The following ABCC10 variants were observed in gnomAD, a reference collection of about 807,000 sequenced individuals.
The protein encoded by ABCC10 is ATP binding cassette subfamily C member 10.
Under a neutral mutation model 143.2 loss-of-function variants are expected in ABCC10, and 110 were observed. That is an observed-to-expected ratio of 0.77 (90% CI 0.66 to 0.90). The LOEUF is 0.90. Ranked by LOEUF, ABCC10 falls within the 40% of genes least tolerant of loss-of-function variation. The pLI, the probability that ABCC10 is intolerant of heterozygous loss-of-function variation, is 0.00. For synonymous variants in ABCC10, 805 were observed against 846.7 expected (o/e 0.95, Z 0.85); for missense variants, 1,700 against 1,900.5 (o/e 0.89, Z 1.96).
At position 43,447,384 on chromosome 6, in the gene ABCC10, G is replaced by A. The variant is rs754324128; in HGVS notation, c.3681G>A (p.Gln1227=). 1.9e-6 allele frequency: 3 copies of A among 1,613,048 alleles called. No homozygotes were observed. Among genetic ancestry groups the A allele is most frequent in the Non-Finnish European group, 2.5e-6 (3 of 1,179,914 alleles). ...RLEEYTCDLP[Q]EPQGQPLQLG... ...AAGAGTACACCTGTGACCTGCCCCA[G>A]GAACCCCAGGGCCAGCCACTGCAGG... is the stretch of plus-strand genomic sequence containing the variant. Residue 1227 remains glutamine, a synonymous_variant, in exon 17 of 22, where the codon CAG becomes CAA. Transcript: ENST00000372530.
At position 43,436,152 on chromosome 6, in the gene ABCC10, C is replaced by T. The variant is rs993679852; in HGVS notation, c.1780C>T (p.Pro594Ser). Reference sequence around the variant, plus strand: ...TCTCTGTTCAGATCCCCCTGCAGAGCCATCTACAGTATTGGAGCTGCATGG... The same window carrying T: ...TCTCTGTTCAGATCCCCCTGCAGAGTCATCTACAGTATTGGAGCTGCATGG... ...AYYSPDPPAEPSTVLELHGAL... is the reference protein window; with the variant it reads ...AYYSPDPPAESSTVLELHGAL... The change falls in exon 6 of 22, where the codon CCA becomes TCA. Residue 594 changes from proline to serine, a missense_variant. Transcript: ENST00000372530. 18 of 1,614,032 alleles carry T rather than the reference C, an allele frequency of 1.1e-5. No individual in the cohort carries two copies. Among genetic ancestry groups the T allele is most frequent in the Admixed American group, 1.7e-5 (1 of 60,002 alleles).
chr6:43,451,320 C>T (rs761823773), downstream of ABCC10: 11 of 1,585,724 alleles, frequency 6.9e-6, no homozygotes, highest in Admixed American at 1.7e-4. The surrounding 1 kb of genome is among the most constrained non-coding windows in gnomAD (Gnocchi z 4.4). Context: ...TTACCAACAC[C>T]TGTAGGGCAG....
At chr6:43,435,036 A>G in intron 4 of ABCC10, 188 bp downstream of exon 4, 1 of 609,990 alleles carries the variant, frequency 1.6e-6, no homozygotes, top group South Asian at 2.1e-5. Flanking sequence ...TCTGTGAAGG[A>G]GTTCCTTTCT....
intron 2 of ABCC10, among the ~76,000 whole-genome samples, chr6:43,428,753 C>T (rs1417401386): frequency 6.6e-6 from 1 of 152,096 alleles, no homozygotes; most frequent in East Asian, 1.9e-4. Flanking sequence ...TTCTGGCTGC[C>T]GAGAAGATAG....
At chr6:43,439,547 A>G (rs112501115) in intron 8 of ABCC10, among the ~76,000 whole-genome samples, 58 of 151,596 alleles carry the variant, frequency 3.8e-4, no homozygotes, top group African/African-American at 1.3e-3. Flanking sequence ...GGACTACAGG[A>G]GTGAGCCACC....
intron 18 of ABCC10, 29 bp from the exon 19 acceptor site, chr6:43,448,852 C>A: frequency 1.3e-6 from 2 of 1,589,658 alleles, no homozygotes; most frequent in Middle Eastern, 1.7e-4. Context: ...ACATCTCCAA[C>A]CACTAGACTC....
chr6:43,434,058 G>C (rs945339191), intron 3 of ABCC10, among the ~76,000 whole-genome samples: 2 of 152,242 alleles, frequency 1.3e-5, no homozygotes, highest in African/African-American at 4.8e-5. Context: ...ATGGCATGAG[G>C]CATTTTCCCC....
intron 21 of ABCC10, 105 bp downstream of exon 21, chr6:43,449,639 C>T (rs985910921): frequency 7.4e-6 from 7 of 939,846 alleles, no homozygotes; most frequent in Admixed American, 2.6e-5. Context: ...AGAGATCCTG[C>T]CCCCCCAGAT....
chr6:43,442,923 G>C, intron 9 of ABCC10, 47 bp from the exon 10 acceptor site: 1 of 1,479,092 alleles, frequency 6.8e-7, no homozygotes, highest in Non-Finnish European at 9.1e-7. Context: ...ATCTTCTCCG[G>C]AGAGCCTTTG....
Position 43,447,851 on chromosome 6 carries a change from G to T in ABCC10, c.3873G>T (p.Leu1291Phe). The change falls in exon 18 of 22, where the codon TTG becomes TTT. Residue 1291 changes from leucine to phenylalanine, a missense_variant. Transcript: ENST00000372530. ...RTGSGKSSLL[L>F]VLFRLLEPSS... ...GCTCCGGCAAGTCTTCCCTGTTGTT[G>T]GTGCTCTTCCGGCTGCTAGAGCCCA... The T allele has an allele frequency of 6.2e-7, 1 of 1,613,872 alleles. No individual in the cohort carries two copies. The highest frequency in any genetic ancestry group is 1.1e-5 in the South Asian group (1 of 91,084).
intron 8 of ABCC10, among the ~76,000 whole-genome samples, 182 bp from the exon 9 acceptor site, chr6:43,441,680 A>G (rs2487663): frequency 0.73 from 110,848 of 152,126 alleles, 41,264 homozygotes; most frequent in Non-Finnish European, 0.82. Flanking sequence ...CATAGTGTTC[A>G]ATAAGTGCTT....
chr6:43,451,584 G>T (rs1255666669), downstream of ABCC10, among the ~76,000 whole-genome samples: 1 of 152,030 alleles, frequency 6.6e-6, no homozygotes, highest in East Asian at 1.9e-4. The surrounding 1 kb of genome is among the most constrained non-coding windows in gnomAD (Gnocchi z 4.4). Context: ...CAGCCCTGCA[G>T]GCTGTTTCCT....
chr6:43,451,867 T>G, downstream of ABCC10: 2 of 1,580,006 alleles, frequency 1.3e-6, no homozygotes, highest in Non-Finnish European at 1.7e-6. This position sits in a 1 kb window ranked among gnomAD's most constrained non-coding sequence, Gnocchi z 4.4. Flanking sequence ...CTCCCAACAG[T>G]CCTGCCTCTT....
chr6:43,436,338 C>T lies in ABCC10; in HGVS notation c.1875+91C>T, dbSNP rs546767224. ...GAAGCAGTGACCGAGCCAATCATAG[C>T]TGATGGCTCTGCAGCTCTAATTGCT... On this transcript the variant is annotated intron_variant, in intron 6 of 21. Coordinates refer to ENST00000372530, the MANE Select transcript of ABCC10 (RefSeq NM_001198934.2). The T allele has an allele frequency of 7.3e-5, 106 of 1,450,094 alleles. No individual in the cohort carries two copies. The Middle Eastern group carries it at 1.3e-3, about 17-fold the overall frequency. 89.8% of individuals were successfully genotyped at this position (1,450,094 alleles called of 1,614,324 possible).
In ABCC10 at chr6:43,450,228, TG is replaced by T. The variant is rs1783623328; in HGVS notation, c.*139del. On this transcript the variant is annotated 3_prime_UTR_variant, in exon 22 of 22. Coordinates refer to ENST00000372530, the MANE Select transcript of ABCC10 (RefSeq NM_001198934.2). This position sits in a 1 kb window ranked among gnomAD's most constrained non-coding sequence, Gnocchi z 4.5. ...TTCCCCAGAAGGGAAAAGGGCACCCTGGATTACTCTTTGGAAATCACTCCTT... is the reference window on the plus strand; with the variant it reads ...TTCCCCAGAAGGGAAAAGGGCACCCTGATTACTCTTTGGAAATCACTCCTT... 8.9e-7 allele frequency: 1 copy of T among 1,119,862 alleles called. No homozygotes were observed. The highest frequency in any genetic ancestry group is 1.3e-6 in the Non-Finnish European group (1 of 798,380). 69.4% of individuals were successfully genotyped at this position (1,119,862 alleles called of 1,614,324 possible).
At chr6:43,435,158 G>A (rs1423091167) in intron 4 of ABCC10, 2 of 286,260 alleles carry the variant, frequency 7.0e-6, no homozygotes, top group East Asian at 6.8e-5. Context: ...GCAATCCTGG[G>A]TCTAGCCAAG....
intron 9 of ABCC10, among the ~76,000 whole-genome samples, chr6:43,442,741 A>G (rs1028812942): frequency 2.6e-5 from 4 of 152,190 alleles, no homozygotes; most frequent in Admixed American, 2.0e-4. Flanking sequence ...AAAAAAAAAA[A>G]AAAGTGTTAT....
At chr6:43,428,279 T>C (rs1780721322) in intron 2 of ABCC10, 140 bp downstream of exon 2, 1 of 1,031,446 alleles carries the variant, frequency 9.7e-7, no homozygotes, top group Admixed American at 3.0e-5. Context: ...GCATTGCTAC[T>C]TAGCAGCAAT....
Position 43,443,736 on chromosome 6 carries a change from G to T in ABCC10, c.2417-197G>T. The T allele has an allele frequency of 1.8e-6, 1 of 567,070 alleles. No homozygotes were observed. Among genetic ancestry groups the T allele is most frequent in the Non-Finnish European group, 3.2e-6 (1 of 315,744 alleles). The allele number at this position is 567,070 out of a possible 1,614,324, so 35.1% of individuals were successfully genotyped here. ...ACAAGGATGGACTTGAGTCCTGCTCGAGGTCTAGGGGTATCCAGAGCAGGG... is the reference window on the plus strand; with the variant it reads ...ACAAGGATGGACTTGAGTCCTGCTCTAGGTCTAGGGGTATCCAGAGCAGGG... On this transcript the variant is annotated intron_variant, in intron 10 of 21. Transcript: ENST00000372530. The surrounding 1 kb of genome is among the most constrained non-coding windows in gnomAD (Gnocchi z 4.2).
Sources: allele counts gnomAD v4.1 joint callset (sites outside exome capture counted in the v4.1 genomes callset), GRCh38; gene constraint gnomAD v4.1.1; non-coding constraint Gnocchi (gnomAD v3.1); transcripts MANE v1.5; gene names NCBI Gene and HGNC (gene_info 2026-07-23, HGNC 2026-07-21).